Variants in HSD3B2 observed in about 807,000 individuals in gnomAD.
HSD3B2 encodes the protein 3 beta-hydroxysteroid dehydrogenase/Delta 5-->4-isomerase type 2.
In HSD3B2, 8 loss-of-function variants were observed where a neutral mutation model predicts 9.9. That is an observed-to-expected ratio of 0.81 (90% CI 0.47 to 1.46). The LOEUF (loss-of-function observed/expected upper bound fraction) is 1.46, where lower values mean the gene tolerates loss of function less well. HSD3B2 is among the 40% of genes most tolerant of loss of function. The pLI, the probability that HSD3B2 is intolerant of heterozygous loss-of-function variation, is 0.00. For missense variants in HSD3B2, 410 were observed against 448.3 expected (o/e 0.91, Z 0.77); for synonymous variants, 221 against 184.5 (o/e 1.20, Z -1.60).
intron 3 of HSD3B2, among the ~76,000 whole-genome samples, chr1:119,421,395 A>G (rs1019478411): frequency 1.1e-4 from 12 of 110,810 alleles, no homozygotes; most frequent in African/African-American, 4.9e-4. Context: ...ATATATGTAT[A>G]TATATATGTA....
chr1:119,415,539 A>G lies in HSD3B2; in HGVS notation c.120A>G (p.Pro40=). The G allele has an allele frequency of 6.2e-7, 1 of 1,613,902 alleles. No individual in the cohort carries two copies. The highest frequency in any genetic ancestry group is 8.5e-7 in the Non-Finnish European group (1 of 1,179,830). The part of the protein sequence containing the change: ...EIRALDKAFR[P]ELREEFSKLQ... Reference sequence around the variant, plus strand: ...GGGCCTTGGACAAGGCCTTCAGACCAGAATTGAGAGAGGAATTTTCTAGTA... The same window carrying G: ...GGGCCTTGGACAAGGCCTTCAGACCGGAATTGAGAGAGGAATTTTCTAGTA... Residue 40 remains proline, a synonymous_variant, in exon 2 of 4, where the codon CCA becomes CCG. Transcript: ENST00000369416.
intron 3 of HSD3B2, among the ~76,000 whole-genome samples, chr1:119,421,407 ATATATATATGTATATATATG>A (rs1249443165): frequency 5.4e-5 from 2 of 36,944 alleles, no homozygotes; most frequent in African/African-American, 1.5e-4. Flanking sequence ...ATATATGTAT[ATATATATATGTATATATATG>A]TATATATATA....
At chr1:119,415,986 G>T (rs587740693) in intron 2 of HSD3B2, among the ~76,000 whole-genome samples, 6 of 152,246 alleles carry the variant, frequency 3.9e-5, no homozygotes, top group Admixed American at 1.3e-4. Flanking sequence ...TCATTTTATA[G>T]CTTCCTTAGT....
intron 2 of HSD3B2, among the ~76,000 whole-genome samples, chr1:119,416,556 C>A (rs587728694): frequency 3.7e-4 from 57 of 152,308 alleles, no homozygotes; most frequent in African/African-American, 1.3e-3. Flanking sequence ...GACCCCCGGG[C>A]TAATCCTTGG....
At chr1:119,419,032 AT>A (rs1446756825) in intron 2 of HSD3B2, among the ~76,000 whole-genome samples, 3 of 152,126 alleles carry the variant, frequency 2.0e-5, no homozygotes, top group African/African-American at 7.2e-5. Flanking sequence ...TCTATACATG[AT>A]TCCTCATCGC....
chr1:119,422,816 C>A lies in HSD3B2; in HGVS notation c.*196C>A. On this transcript the variant is annotated 3_prime_UTR_variant, in exon 4 of 4. Coordinates refer to ENST00000369416, the MANE Select transcript of HSD3B2 (RefSeq NM_000198.4). Reference sequence around the variant, plus strand: ...ACTGGCCCAACCAGAACTTTCTGTCCTAATCATACACCAGAAGACAAACAA... The same window carrying A: ...ACTGGCCCAACCAGAACTTTCTGTCATAATCATACACCAGAAGACAAACAA... The A allele has an allele frequency of 1.5e-6, 1 of 658,434 alleles. No individual in the cohort carries two copies. 40.8% of individuals were successfully genotyped at this position (658,434 alleles called of 1,614,324 possible).
intron 2 of HSD3B2, among the ~76,000 whole-genome samples, chr1:119,416,826 G>A (rs1458901957): frequency 6.6e-6 from 1 of 152,130 alleles, no homozygotes; most frequent in Non-Finnish European, 1.5e-5. Flanking sequence ...GATATTAAAT[G>A]TTTGTAATCC....
intron 2 of HSD3B2, among the ~76,000 whole-genome samples, chr1:119,416,632 C>A (rs1229254410): frequency 3.3e-5 from 5 of 152,182 alleles, no homozygotes; most frequent in African/African-American, 1.2e-4. Flanking sequence ...TTCCTCCCAA[C>A]CCAGGGGACT....
rs759756499 is a variant in HSD3B2 at position 119,415,528 on chromosome 1, G to A, written c.109G>A (p.Ala37Thr). The A allele has an allele frequency of 1.9e-6, 3 of 1,613,896 alleles. No homozygotes were observed. Among genetic ancestry groups the A allele is most frequent in the South Asian group, 2.2e-5 (2 of 91,070 alleles). The change falls in exon 2 of 4, where the codon GCC becomes ACC. Residue 37 changes from alanine to threonine, a missense_variant. Physicochemically the swap from Ala to Thr is moderately conservative, Grantham distance 58. Coordinates refer to ENST00000369416, the MANE Select transcript of HSD3B2 (RefSeq NM_000198.4). ...GAAGGAGATCAGGGCCTTGGACAAG[G>A]CCTTCAGACCAGAATTGAGAGAGGA... ...ELKEIRALDK[A>T]FRPELREEFS...
In HSD3B2 at chr1:119,422,083, C is replaced by T. The variant is rs757629697; in HGVS notation, c.582C>T (p.Gly194=). The T allele has an allele frequency of 2.5e-6, 4 of 1,614,044 alleles. No individual in the cohort carries two copies. Among genetic ancestry groups the T allele is most frequent in the Non-Finnish European group, 3.4e-6 (4 of 1,179,982 alleles). The stretch of plus-strand genomic sequence containing the variant: ...CCACATATATCTATGGGGAAGGAGG[C>T]CCATTCCTTTCTGCCAGTATAAATG... ...LRPTYIYGEG[G]PFLSASINEA... is the part of the protein sequence containing the mutation. Residue 194 remains glycine, a synonymous_variant, in exon 4 of 4, where the codon GGC becomes GGT. Coordinates refer to ENST00000369416, the MANE Select transcript of HSD3B2 (RefSeq NM_000198.4).
chr1:119,415,995 G>A (rs1472035035), intron 2 of HSD3B2, among the ~76,000 whole-genome samples: 1 of 152,114 alleles, frequency 6.6e-6, no homozygotes, highest in East Asian at 1.9e-4. Context: ...AGCTTCCTTA[G>A]TATCTTTAGT....
At position 119,422,122 on chromosome 1, in the gene HSD3B2, C is replaced by T. The variant is rs143758913; in HGVS notation, c.621C>T (p.Asn207=). ...LSASINEALN[N]NGILSSVGKF... ...CCAGTATAAATGAGGCCCTGAACAA[C>T]AATGGGATCCTGTCAAGTGTTGGAA... is the stretch of plus-strand genomic sequence containing the variant. The change falls in exon 4 of 4, where the codon AAC becomes AAT. Residue 207 remains asparagine (N), a synonymous_variant. Transcript: ENST00000369416. 1,057 of 1,614,110 alleles carry T rather than the reference C, an allele frequency of 6.5e-4. 4 individuals are homozygous for T. Among genetic ancestry groups the T allele is most frequent in the Non-Finnish European group, 7.6e-4 (892 of 1,179,992 alleles).
intron 3 of HSD3B2, 119 bp from the exon 4 acceptor site, chr1:119,421,690 C>T: frequency 1.8e-6 from 2 of 1,139,582 alleles, no homozygotes; most frequent in South Asian, 2.5e-5. Flanking sequence ...AAGAATGCAC[C>T]CTGAGTCTGT....
Position 119,421,843 on chromosome 1 carries a change from C to T in HSD3B2, c.342C>T (p.Ala114=). The T allele has an allele frequency of 1.2e-6, 2 of 1,613,528 alleles. No homozygotes were observed. The highest frequency in any genetic ancestry group is 1.7e-6 in the Non-Finnish European group (2 of 1,179,810). The change falls in exon 4 of 4, where the codon GCC becomes GCT. Residue 114 remains alanine (A), a synonymous_variant. Coordinates refer to ENST00000369416, the MANE Select transcript of HSD3B2 (RefSeq NM_000198.4). ...TQLLLEACVQ[A]SVPVFIYTSS... is the part of the protein sequence containing the mutation. ...TACTGTTGGAGGCCTGTGTCCAAGC[C>T]AGTGTGCCAGTCTTCATCTACACCA... is the stretch of plus-strand genomic sequence containing the variant.
Position 119,415,522 on chromosome 1 carries a change from G to A in HSD3B2, c.103G>A (p.Asp35Asn), listed in dbSNP as rs1651679611. ...EKELKEIRALDKAFRPELREE... is the reference protein window; with the variant it reads ...EKELKEIRALNKAFRPELREE... ...GGAACTGAAGGAGATCAGGGCCTTG[G>A]ACAAGGCCTTCAGACCAGAATTGAG... is the stretch of plus-strand genomic sequence containing the variant. Residue 35 changes from aspartate (D) to asparagine (N), a missense_variant, in exon 2 of 4, where the codon GAC becomes AAC. Coordinates refer to ENST00000369416, the MANE Select transcript of HSD3B2 (RefSeq NM_000198.4). The A allele has an allele frequency of 1.2e-6, 2 of 1,613,690 alleles. No homozygotes were observed. The highest frequency in any genetic ancestry group is 2.2e-5 in the South Asian group (2 of 91,080).
In HSD3B2 at chr1:119,419,350, G is replaced by A. The variant is rs374946444; in HGVS notation, c.143-68G>A. Reference sequence around the variant, plus strand: ...TCTCTTTGAGCACCTATGTAACATCGCCTTTATCAGAAAACTTCCCAGCCA... The same window carrying A: ...TCTCTTTGAGCACCTATGTAACATCACCTTTATCAGAAAACTTCCCAGCCA... On this transcript the variant is annotated intron_variant, in intron 2 of 3. Transcript: ENST00000369416. 5.8e-5 allele frequency: 86 copies of A among 1,483,482 alleles called. No homozygotes were observed. The East Asian group carries it at 7.9e-4, about 14-fold the overall frequency. 91.9% of individuals were successfully genotyped at this position (1,483,482 alleles called of 1,614,324 possible).
chr1:119,415,291 C>A, intron 1 of HSD3B2, 40 bp from the exon 2 acceptor site: 1 of 917,172 alleles, frequency 1.1e-6, no homozygotes, highest in Non-Finnish European at 1.8e-6. Flanking sequence ...GAAAATAAGG[C>A]ATCTGCTGAG....
Position 119,422,850 on chromosome 1 carries a change from G to T in HSD3B2, c.*230G>T. 1 of 600,242 alleles carries T rather than the reference G, an allele frequency of 1.7e-6. No homozygotes were observed. Among genetic ancestry groups the T allele is most frequent in the Non-Finnish European group, 3.0e-6 (1 of 338,842 alleles). The allele number at this position is 600,242 out of a possible 1,614,324, so 37.2% of individuals were successfully genotyped here. ...CACCAGAAGACAAACAATATGATTT[G>T]CTGTTACCAAATCTCAGTGGCTGAT... is the stretch of plus-strand genomic sequence containing the variant. On this transcript the variant is annotated 3_prime_UTR_variant, in exon 4 of 4. Transcript: ENST00000369416.
intron 3 of HSD3B2, 150 bp downstream of exon 3, chr1:119,419,732 G>C: frequency 1.3e-6 from 1 of 767,188 alleles, no homozygotes; most frequent in Non-Finnish European, 2.2e-6. Flanking sequence ...GGAGTTCAAG[G>C]CTGGTAACCT....
Sources: gnomAD v4.1 joint callset for allele counts (sites outside exome capture counted in the v4.1 genomes callset) on GRCh38, gnomAD v4.1.1 for gene constraint, MANE v1.5 for transcripts, NCBI Gene and HGNC (gene_info 2026-07-23, HGNC 2026-07-21) for gene names.